Variants in DENND4C observed in about 807,000 individuals in gnomAD.
The protein encoded by DENND4C is DENN domain-containing protein 4C.
DENND4C carries 108 observed loss-of-function variants against 203.0 expected under a neutral mutation model. The ratio of observed to expected loss-of-function variants is 0.53; its 90% CI spans 0.46 to 0.62. The LOEUF is 0.62. Among genes scored for constraint, DENND4C ranks in the 20% least tolerant of loss-of-function variants. The probability of loss-of-function intolerance (pLI) is 0.00; values close to 1 mark genes in which losing one functional copy is unlikely to be tolerated. For missense variants in DENND4C, 2,481 were observed against 2,301.2 expected, an observed-to-expected ratio of 1.08 and a Z score of -1.60; for synonymous variants, 871 against 792.4, an observed-to-expected ratio of 1.10 and a Z score of -1.67.
At chr9:19,309,501 C>G (rs943341685) in intron 10 of DENND4C, among the ~76,000 whole-genome samples, 6 of 151,340 alleles carry the variant, frequency 4.0e-5, no homozygotes, top group African/African-American at 1.5e-4. Context: ...TTGCACAGGT[C>G]AAATGTGTGA....
chr9:19,323,431 A>G (rs1279893807), intron 12 of DENND4C, among the ~76,000 whole-genome samples: 29 of 87,458 alleles, frequency 3.3e-4, no homozygotes, highest in Admixed American at 2.9e-3. Flanking sequence ...CTCTGTCTGG[A>G]AAAAAAAAAA....
chr9:19,275,244 C>T (rs1055180679), intron 1 of DENND4C, among the ~76,000 whole-genome samples: 1 of 149,196 alleles, frequency 6.7e-6, no homozygotes, highest in African/African-American at 2.5e-5. Flanking sequence ...TCCCAAAGTG[C>T]AGGGATTACA....
At chr9:19,344,848 T>C (rs749500652) in intron 22 of DENND4C, among the ~76,000 whole-genome samples, 21 of 152,138 alleles carry the variant, frequency 1.4e-4, no homozygotes, top group Admixed American at 6.5e-4. Context: ...TTATTTCTTA[T>C]AGTTCTAGGG....
chr9:19,332,010 A>C lies in DENND4C; in HGVS notation c.2286A>C (p.Arg762Ser), dbSNP rs762850534. The change falls in exon 17 of 33, where the codon AGA becomes AGC. Residue 762 changes from arginine (R) to serine (S), a missense_variant. By Grantham distance (110) the Arg-to-Ser change is moderately radical. Transcript: ENST00000434457. ...EIKTAHKLAKRCYTNPPQWAK... is the reference protein window; with the variant it reads ...EIKTAHKLAKSCYTNPPQWAK... Reference sequence around the variant, plus strand: ...AAACAGCTCATAAATTGGCGAAGAGATGTTATACAAATCCACCACAGTGGG... The same window carrying C: ...AAACAGCTCATAAATTGGCGAAGAGCTGTTATACAAATCCACCACAGTGGG... The C allele has an allele frequency of 9.9e-6, 16 of 1,613,832 alleles. No homozygotes were observed. The highest frequency in any genetic ancestry group is 1.4e-5 in the Non-Finnish European group (16 of 1,179,970).
At chr9:19,313,917 A>G (rs1042040118) in intron 10 of DENND4C, among the ~76,000 whole-genome samples, 1 of 152,210 alleles carries the variant, frequency 6.6e-6, no homozygotes, top group Non-Finnish European at 1.5e-5. Context: ...CACAAGGCAT[A>G]AGAATGATGC....
chr9:19,317,051 T>C (rs1841977179), intron 12 of DENND4C, among the ~76,000 whole-genome samples: 1 of 152,170 alleles, frequency 6.6e-6, no homozygotes, highest in African/African-American at 2.4e-5. Context: ...ACTAGAGATA[T>C]TTAATTATGA....
intron 1 of DENND4C, among the ~76,000 whole-genome samples, chr9:19,231,597 C>A (rs1564067538): frequency 6.6e-6 from 1 of 151,220 alleles, no homozygotes; most frequent in South Asian, 2.1e-4. Flanking sequence ...TCTCGAAGAC[C>A]GTCTTTTATC....
chr9:19,275,691 G>C (rs918352332), intron 1 of DENND4C, among the ~76,000 whole-genome samples: 4 of 151,130 alleles, frequency 2.6e-5, no homozygotes, highest in African/African-American at 4.9e-5. Flanking sequence ...GGCTGTTCTC[G>C]AGCTCCTGAC....
At chr9:19,348,100 T>C (rs558277124) in intron 23 of DENND4C, among the ~76,000 whole-genome samples, 10 of 152,354 alleles carry the variant, frequency 6.6e-5, no homozygotes, top group South Asian at 6.2e-4. Context: ...GGTACTGTTA[T>C]AAGCTATATG....
At chr9:19,339,532 C>T (rs1469869434) in intron 20 of DENND4C, among the ~76,000 whole-genome samples, 1 of 152,142 alleles carries the variant, frequency 6.6e-6, no homozygotes, top group East Asian at 1.9e-4. Context: ...CAGGTTGTCA[C>T]GTCCTACAGG....
intron 1 of DENND4C, among the ~76,000 whole-genome samples, chr9:19,257,679 T>A (rs1296303848): frequency 6.6e-6 from 1 of 152,176 alleles, no homozygotes; most frequent in Admixed American, 6.6e-5. Context: ...AGATACAAAT[T>A]ACTGATATCA....
In DENND4C at chr9:19,342,766, G is replaced by C; in HGVS notation, c.3138G>C (p.Arg1046Ser). 6.2e-7 allele frequency: 1 copy of C among 1,603,934 alleles called. No homozygotes were observed. The highest frequency in any genetic ancestry group is 1.3e-5 in the African/African-American group (1 of 74,618). ...VPSGIFDVNS[R>S]KSSTGSISNV... The stretch of plus-strand genomic sequence containing the variant: ...CTGGTATATTTGATGTCAACAGCAG[G>C]AAAAGTAGCACTGGTGAGTCTTTAC... The change falls in exon 22 of 33, where the codon AGG (arginine) becomes AGC (serine). Residue 1046 changes from arginine (R) to serine (S), a missense_variant. Physicochemically the swap from Arg to Ser is moderately radical, Grantham distance 110 (BLOSUM62 -1). Coordinates refer to ENST00000434457, the MANE Select transcript of DENND4C (RefSeq NM_001330640.2).
At position 19,305,455 on chromosome 9, in the gene DENND4C, C is replaced by T; in HGVS notation, c.1415C>T (p.Ser472Leu). 2 of 1,613,888 alleles carry T rather than the reference C, an allele frequency of 1.2e-6. No homozygotes were observed. Among genetic ancestry groups the T allele is most frequent in the Non-Finnish European group, 1.7e-6 (2 of 1,179,954 alleles). Residue 472 changes from serine (S) to leucine (L), a missense_variant, in exon 10 of 33, where the codon TCA becomes TTA. By Grantham distance (145) the Ser-to-Leu change is moderately radical. Coordinates refer to ENST00000434457, the MANE Select transcript of DENND4C (RefSeq NM_001330640.2). The part of the protein sequence containing the change: ...APLPFIVGVD[S>L]RYFDLHDPPQ... ...TTACCATTTATAGTTGGAGTTGACT[C>T]AAGGTATTTTGATCTTCATGACCCA...
rs146830174 is a variant in DENND4C at position 19,252,662 on chromosome 9, C to T, written c.-18+21829C>T. On this transcript the variant is annotated intron_variant, in intron 1 of 32. Coordinates refer to ENST00000434457, the MANE Select transcript of DENND4C (RefSeq NM_001330640.2). ...TATCAGTTTGATAGCTTCATTGGCT[C>T]ACATATCTTTATTGGTAAAGCTAGG... Among the ~76,000 whole-genome samples the T allele has an allele frequency of 2.0e-5, 3 of 151,878 alleles. No homozygotes were observed. In the South Asian group the frequency reaches 6.2e-4, roughly 31 times the overall value.
rs1822854372 is a variant in DENND4C at position 19,346,225 on chromosome 9, T to G, written c.3456T>G (p.Val1152=). Residue 1152 remains valine (V), a synonymous_variant, in exon 23 of 33, where the codon GTT becomes GTG. Coordinates refer to ENST00000434457, the MANE Select transcript of DENND4C (RefSeq NM_001330640.2). ...CAAGAACCCATAGCTTTGAGAATGT[T>G]AGCTGTCACCTACCTGATAGTAGGA... ...HIARTHSFEN[V]SCHLPDSRTC... is the part of the protein sequence containing the mutation. 1 of 1,614,102 alleles carries G rather than the reference T, an allele frequency of 6.2e-7. No homozygotes were observed. Among genetic ancestry groups the G allele is most frequent in the Admixed American group, 1.7e-5 (1 of 60,006 alleles).
At chr9:19,252,234 C>G (rs1023419469) in intron 1 of DENND4C, among the ~76,000 whole-genome samples, 1 of 152,094 alleles carries the variant, frequency 6.6e-6, no homozygotes, top group Non-Finnish European at 1.5e-5. Flanking sequence ...GGGAAACTCC[C>G]TTTTCTTTTA....
intron 24 of DENND4C, 49 bp downstream of exon 24, chr9:19,350,928 C>CT (rs375833706): frequency 0.011 from 12,868 of 1,204,358 alleles, no homozygotes; most frequent in Non-Finnish European, 0.012. Context: ...ATAGTTTTTG[C>CT]TTTTTTTTTT....
intron 12 of DENND4C, among the ~76,000 whole-genome samples, chr9:19,321,205 A>G (rs568509925): frequency 6.6e-6 from 1 of 152,370 alleles, no homozygotes; most frequent in East Asian, 1.9e-4. Context: ...GAGACATTGA[A>G]GCATGGATCT....
chr9:19,357,876 C>T (rs1825729158), intron 27 of DENND4C, 89 bp from the exon 28 acceptor site: 1 of 1,043,610 alleles, frequency 9.6e-7, no homozygotes, highest in South Asian at 1.8e-5. Flanking sequence ...TTAGTAGACT[C>T]AAGGTCCATT....
Sources: allele counts gnomAD v4.1 joint callset (sites outside exome capture counted in the v4.1 genomes callset), GRCh38; gene constraint gnomAD v4.1.1; transcripts MANE v1.5; gene names NCBI Gene and HGNC (gene_info 2026-07-23, HGNC 2026-07-21).